Variants in TTC28 observed in about 807,000 individuals in gnomAD.
TTC28 encodes the protein tetratricopeptide repeat domain 28, also known as tetratricopeptide repeat protein 28.
In TTC28, 61 loss-of-function variants were observed where a neutral mutation model predicts 198.0. The observed-to-expected ratio is 0.31, with a 90% CI of 0.25 to 0.38. The LOEUF is 0.38. TTC28 is among the 10% of genes least tolerant of loss of function. The pLI is 1.00. For missense variants in TTC28, 2,678 were observed against 3,164.0 expected (o/e 0.85, Z 3.69); for synonymous variants, 1,171 against 1,297.8 (o/e 0.90, Z 2.10).
chr22:28,333,797 T>G (rs922231644), intron 2 of TTC28, among the ~76,000 whole-genome samples: 1 of 152,088 alleles, frequency 6.6e-6, no homozygotes, highest in African/African-American at 2.4e-5. Context: ...GTGGCATAAT[T>G]TTGTACCGAA....
chr22:28,433,258 TTTTA>T (rs1462344664), intron 2 of TTC28, among the ~76,000 whole-genome samples: 3 of 152,220 alleles, frequency 2.0e-5, no homozygotes, highest in African/African-American at 7.2e-5. Context: ...CTGTCTTGTC[TTTTA>T]TTTATTTTTT....
At chr22:28,489,009 C>A (rs1194228798) in intron 2 of TTC28, among the ~76,000 whole-genome samples, 1 of 152,148 alleles carries the variant, frequency 6.6e-6, no homozygotes, top group Non-Finnish European at 1.5e-5. Flanking sequence ...CTTGGCCAGG[C>A]ATAGTAGCTC....
At chr22:28,000,778 CAG>C (rs1384483609) in intron 15 of TTC28, 1 of 152,582 alleles carries the variant, frequency 6.6e-6, no homozygotes, top group Admixed American at 6.5e-5. Flanking sequence ...ACCCATGACT[CAG>C]GGTGGCCCAC....
intron 2 of TTC28, among the ~76,000 whole-genome samples, chr22:28,521,588 T>C (rs2146428991): frequency 6.6e-6 from 1 of 152,254 alleles, no homozygotes; most frequent in African/African-American, 2.4e-5. Context: ...TGAGAATCCA[T>C]CTAGGCTCTC....
chr22:28,346,927 T>C (rs1187069666), intron 2 of TTC28, among the ~76,000 whole-genome samples: 2 of 151,936 alleles, frequency 1.3e-5, no homozygotes, highest in Non-Finnish European at 2.9e-5. Context: ...ACAAACAATA[T>C]TCAGTGAGGA....
intron 12 of TTC28, among the ~76,000 whole-genome samples, chr22:28,080,951 C>T (rs1941328753): frequency 6.6e-6 from 1 of 151,946 alleles, no homozygotes; most frequent in Non-Finnish European, 1.5e-5. Flanking sequence ...TTGTTCTCTC[C>T]CCATTGTGTT....
At chr22:28,457,706 C>A (rs972132337) in intron 2 of TTC28, among the ~76,000 whole-genome samples, 2 of 152,102 alleles carry the variant, frequency 1.3e-5, no homozygotes, top group South Asian at 2.1e-4. Flanking sequence ...TTAAAATTAT[C>A]CTTTATTGTG....
At chr22:28,532,515 C>T (rs748619462) in intron 2 of TTC28, among the ~76,000 whole-genome samples, 66 of 152,186 alleles carry the variant, frequency 4.3e-4, no homozygotes, top group Non-Finnish European at 7.9e-4. Flanking sequence ...TGAAACTATT[C>T]CAATCAAAAG....
chr22:28,468,822 C>A (rs1411550142), intron 2 of TTC28, among the ~76,000 whole-genome samples: 3 of 151,622 alleles, frequency 2.0e-5, no homozygotes, highest in African/African-American at 7.3e-5. Context: ...CAGGCATGAG[C>A]CACCGCGCCT....
chr22:28,591,483 G>A (rs1002504071), intron 2 of TTC28, among the ~76,000 whole-genome samples: 1 of 152,108 alleles, frequency 6.6e-6, no homozygotes, highest in African/African-American at 2.4e-5. Context: ...TATGGTAACT[G>A]AAGCTAACAG....
chr22:28,490,829 G>T (rs2146342960), intron 2 of TTC28, among the ~76,000 whole-genome samples: 1 of 152,144 alleles, frequency 6.6e-6, no homozygotes, highest in African/African-American at 2.4e-5. Flanking sequence ...TCTCTAGTCA[G>T]AGAAAAAATG....
At chr22:28,081,556 G>A (rs892893268) in intron 12 of TTC28, among the ~76,000 whole-genome samples, 6 of 147,142 alleles carry the variant, frequency 4.1e-5, no homozygotes, top group African/African-American at 1.0e-4. Flanking sequence ...GCAGTGACGC[G>A]ATCTTGGCTC....
chr22:28,464,806 G>T (rs2047996716), intron 2 of TTC28, among the ~76,000 whole-genome samples: 2 of 152,108 alleles, frequency 1.3e-5, no homozygotes, highest in African/African-American at 4.8e-5. Context: ...AATGCTCCCA[G>T]AATTTTTACA....
intron 6 of TTC28, among the ~76,000 whole-genome samples, chr22:28,123,734 G>T (rs1010622448): frequency 6.6e-6 from 1 of 152,034 alleles, no homozygotes; most frequent in Non-Finnish European, 1.5e-5. Flanking sequence ...TGTAATCCTA[G>T]CATTTTGGGA....
chr22:28,634,948 T>C (rs1436540474), intron 1 of TTC28, among the ~76,000 whole-genome samples: 2 of 152,198 alleles, frequency 1.3e-5, no homozygotes, highest in Non-Finnish European at 2.9e-5. Context: ...CCTTTGCATG[T>C]ATTTCTCAGA....
chr22:28,473,609 C>T (rs911581460), intron 2 of TTC28, among the ~76,000 whole-genome samples: 1 of 152,158 alleles, frequency 6.6e-6, no homozygotes, highest in Non-Finnish European at 1.5e-5. Flanking sequence ...CACTGAGCTG[C>T]TACTTGGGAA....
At chr22:28,116,770 A>G (rs1056616385) in intron 6 of TTC28, among the ~76,000 whole-genome samples, 1 of 152,186 alleles carries the variant, frequency 6.6e-6, no homozygotes, top group African/African-American at 2.4e-5. Context: ...AACCAGTACC[A>G]TCTCCTTGGA....
At chr22:28,408,835 G>T (rs2146126786) in intron 2 of TTC28, among the ~76,000 whole-genome samples, 1 of 152,360 alleles carries the variant, frequency 6.6e-6, no homozygotes, top group East Asian at 1.9e-4. Flanking sequence ...ATCTGAAAGA[G>T]AAGGTGAACA....
At position 28,242,742 on chromosome 22, in the gene TTC28, T is replaced by C. The variant is rs565967674; in HGVS notation, c.933+53456A>G. On this transcript the variant is annotated intron_variant, in intron 5 of 22. Transcript: ENST00000397906. ...TTTTTTCCATTAACCAACTAATTAC[T>C]GGTGCTGACTGGATTAAATAAGTTT... is the stretch of plus-strand genomic sequence containing the variant. 3.3e-4 allele frequency among the ~76,000 whole-genome samples: 50 copies of C among 152,286 alleles called. No individual in the cohort carries two copies. In the South Asian group the frequency reaches 0.01, roughly 31 times the overall value.
Sources: allele counts gnomAD v4.1 joint callset (sites outside exome capture counted in the v4.1 genomes callset), GRCh38; gene constraint gnomAD v4.1.1; transcripts MANE v1.5; gene names NCBI Gene and HGNC (gene_info 2026-07-23, HGNC 2026-07-21).